The following CCDC148 variants were observed in gnomAD, a reference collection of about 807,000 sequenced individuals.
The protein encoded by CCDC148 is coiled-coil domain containing 148.
In CCDC148, 89 loss-of-function variants were observed where a neutral mutation model predicts 85.7. The ratio of observed to expected loss-of-function variants is 1.04; its 90% confidence interval spans 0.87 to 1.24. CCDC148 has a LOEUF of 1.24. Among genes scored for constraint, CCDC148 ranks in the 50% most tolerant of loss-of-function variants. The probability of loss-of-function intolerance (pLI) is 0.00; values close to 1 mark genes in which losing one functional copy is unlikely to be tolerated. For synonymous variants in CCDC148, 230 were observed against 213.9 expected, an observed-to-expected ratio of 1.08 and a Z score of -0.66; for missense variants, 692 against 671.7, an observed-to-expected ratio of 1.03 and a Z score of -0.33.
intron 1 of CCDC148, among the ~76,000 whole-genome samples, chr2:158,389,544 T>A (rs924196037): frequency 2.6e-5 from 4 of 152,206 alleles, no homozygotes; most frequent in Non-Finnish European, 5.9e-5. Flanking sequence ...CTTATCCATG[T>A]CGTCACAAAC....
chr2:158,403,899 C>G (rs1331842418), intron 1 of CCDC148, among the ~76,000 whole-genome samples: 1 of 152,128 alleles, frequency 6.6e-6, no homozygotes, highest in Non-Finnish European at 1.5e-5. Context: ...TCTCATAAAA[C>G]AGCAAAGGCA....
At chr2:158,440,022 A>T (rs1034918155) in intron 1 of CCDC148, among the ~76,000 whole-genome samples, 7 of 150,796 alleles carry the variant, frequency 4.6e-5, no homozygotes, top group Admixed American at 4.0e-4. Context: ...TCACACCCAG[A>T]TATTTTTTTT....
intron 1 of CCDC148, among the ~76,000 whole-genome samples, chr2:158,363,256 T>G (rs1344545013): frequency 2.6e-5 from 4 of 152,172 alleles, no homozygotes; most frequent in Admixed American, 2.6e-4. Flanking sequence ...CTGGTACCAT[T>G]CCTTCTGAAA....
intron 1 of CCDC148, among the ~76,000 whole-genome samples, chr2:158,390,440 T>C (rs1685256448): frequency 6.6e-6 from 1 of 152,030 alleles, no homozygotes; most frequent in Non-Finnish European, 1.5e-5. Context: ...GGAATAAAAG[T>C]GGGAAAGTCA....
chr2:158,436,924 C>A (rs1687683305), intron 1 of CCDC148, among the ~76,000 whole-genome samples: 1 of 152,022 alleles, frequency 6.6e-6, no homozygotes, highest in African/African-American at 2.4e-5. Flanking sequence ...AAGACTAAAC[C>A]AGGAAGAAGT....
chr2:158,429,734 A>G (rs960297026), intron 1 of CCDC148, among the ~76,000 whole-genome samples: 3 of 152,198 alleles, frequency 2.0e-5, no homozygotes, highest in Non-Finnish European at 4.4e-5. Context: ...TTCCACTGTA[A>G]CCAACTAGAA....
chr2:158,332,620 CT>C (rs1242302747), intron 7 of CCDC148, among the ~76,000 whole-genome samples: 1 of 151,654 alleles, frequency 6.6e-6, no homozygotes, highest in Non-Finnish European at 1.5e-5. Flanking sequence ...ACCAGCTCCT[CT>C]TTGTACCTCT....
At position 158,194,884 on chromosome 2, in the gene CCDC148, C is replaced by T. The variant is rs143131439; in HGVS notation, c.1371-15888G>A. 8.3e-3 allele frequency among the ~76,000 whole-genome samples: 1,267 copies of T among 152,108 alleles called. 9 individuals carry two copies. Among genetic ancestry groups the T allele is most frequent in the Non-Finnish European group, 0.012 (841 of 67,988 alleles). ...GTTATTCTCTTTCCAGCATCCCATC[C>T]CCCATCTGCTCATCCACACTTTTTT... is the stretch of plus-strand genomic sequence containing the variant. On this transcript the variant is annotated intron_variant, in intron 11 of 13. Coordinates refer to ENST00000283233, the MANE Select transcript of CCDC148 (RefSeq NM_138803.4).
rs1574703331 is a variant in CCDC148 at position 158,366,209 on chromosome 2, T to C, written c.26-7639A>G. 24 of 573,514 alleles carry C rather than the reference T, an allele frequency of 4.2e-5. No homozygotes were observed. The South Asian group carries it at 7.9e-4, about 19-fold the overall frequency. The allele number at this position is 573,514 out of a possible 1,614,324, so 35.5% of individuals were successfully genotyped here. On this transcript the variant is annotated intron_variant, in intron 1 of 13. Transcript: ENST00000283233. The stretch of plus-strand genomic sequence containing the variant: ...ATAATGCTTTTAATTTTATTAAAAT[T>C]TGCTTTTCTTGCCCCTAGAAGCCTC...
intron 11 of CCDC148, among the ~76,000 whole-genome samples, chr2:158,206,285 G>A (rs934784723): frequency 1.1e-4 from 17 of 152,234 alleles, no homozygotes; most frequent in African/African-American, 3.9e-4. Context: ...CTCATTAAAC[G>A]AATGTAGAAT....
chr2:158,316,919 C>G (rs576427245), intron 7 of CCDC148, among the ~76,000 whole-genome samples: 23 of 152,312 alleles, frequency 1.5e-4, no homozygotes, highest in African/African-American at 5.5e-4. Flanking sequence ...AATATATTTG[C>G]ATTTCCAAGT....
intron 7 of CCDC148, among the ~76,000 whole-genome samples, chr2:158,327,939 G>C (rs1692867884): frequency 1.3e-5 from 2 of 151,710 alleles, no homozygotes; most frequent in Non-Finnish European, 2.9e-5. Flanking sequence ...AGATCTTCTA[G>C]ATGGCCACTG....
intron 11 of CCDC148, among the ~76,000 whole-genome samples, chr2:158,184,913 G>A (rs147263801): frequency 6.6e-6 from 1 of 152,272 alleles, no homozygotes. Context: ...AAGTTTCCAG[G>A]TGATGCTGAT....
At chr2:158,412,825 ATTTATT>A (rs1686318617) in intron 1 of CCDC148, among the ~76,000 whole-genome samples, 1 of 105,292 alleles carries the variant, frequency 9.5e-6, no homozygotes, top group Non-Finnish European at 1.9e-5. Flanking sequence ...CAATATAAGT[ATTTATT>A]ATTATTATTA....
intron 9 of CCDC148, among the ~76,000 whole-genome samples, chr2:158,259,333 G>A (rs908696826): frequency 6.6e-6 from 1 of 151,724 alleles, no homozygotes; most frequent in African/African-American, 2.4e-5. Context: ...TTCCCCACTC[G>A]ACTGTGATCT....
chr2:158,339,063 A>G lies in CCDC148; in HGVS notation c.509T>C (p.Leu170Ser). The G allele has an allele frequency of 6.2e-7, 1 of 1,613,722 alleles. No homozygotes were observed. The highest frequency in any genetic ancestry group is 8.5e-7 in the Non-Finnish European group (1 of 1,179,760). ...LEEVDFVKKQ[L>S]KTVFERLRLE... is the part of the protein sequence containing the mutation. ...CCTAAGTCTTTCAAAGACAGTTTTC[A>G]ATTGTTTCTTCACAAAGTCAACCTA... is the stretch of plus-strand genomic sequence containing the variant. Residue 170 changes from leucine (L) to serine (S), a missense_variant, in exon 6 of 14, where the codon TTG (leucine) becomes TCG (serine). Leu to Ser is a moderately radical substitution (Grantham distance 145, BLOSUM62 -2). Transcript: ENST00000283233.
chr2:158,442,922 A>G (rs1339604530), intron 1 of CCDC148, among the ~76,000 whole-genome samples: 1 of 152,212 alleles, frequency 6.6e-6, no homozygotes, highest in African/African-American at 2.4e-5. Context: ...ATGCAAACCC[A>G]GGCAGTCTGG....
At chr2:158,301,033 C>T (rs1017954801) in intron 9 of CCDC148, among the ~76,000 whole-genome samples, 1 of 151,980 alleles carries the variant, frequency 6.6e-6, no homozygotes, top group Non-Finnish European at 1.5e-5. Flanking sequence ...TTTTTAAACA[C>T]TTTTTTGTAG....
chr2:158,270,225 A>G (rs1689639385), intron 9 of CCDC148, among the ~76,000 whole-genome samples: 1 of 152,148 alleles, frequency 6.6e-6, no homozygotes, highest in Non-Finnish European at 1.5e-5. Context: ...TCATTTGTAA[A>G]TTGGCATTGT....
Sources: allele counts gnomAD v4.1 joint callset (sites outside exome capture counted in the v4.1 genomes callset), GRCh38; gene constraint gnomAD v4.1.1; transcripts MANE v1.5; gene names NCBI Gene and HGNC (gene_info 2026-07-23, HGNC 2026-07-21).